PDE6A: variants seen among roughly 807,000 people sequenced by gnomAD.
The protein encoded by PDE6A is rod cGMP-specific 3',5'-cyclic phosphodiesterase subunit alpha.
Under a neutral mutation model 106.3 loss-of-function variants are expected in PDE6A, and 84 were observed. The ratio of observed to expected loss-of-function variants is 0.79; its 90% CI spans 0.66 to 0.95. PDE6A has a LOEUF of 0.95. PDE6A is among the 40% of genes least tolerant of loss of function. The pLI is 0.00. For missense variants in PDE6A, 1,052 were observed against 1,084.9 expected (o/e 0.97, Z 0.43); for synonymous variants, 394 against 386.6 (o/e 1.02, Z -0.23).
intron 5 of PDE6A, among the ~76,000 whole-genome samples, chr5:149,916,956 A>G (rs1211449126): frequency 6.6e-6 from 1 of 152,144 alleles, no homozygotes; most frequent in Non-Finnish European, 1.5e-5. Context: ...ATTCCAGGAG[A>G]AGATAAAAAC....
chr5:149,895,379 C>T, intron 12 of PDE6A, 89 bp from the exon 13 acceptor site: 2 of 876,830 alleles, frequency 2.3e-6, no homozygotes, highest in Non-Finnish European at 1.9e-6. Flanking sequence ...AAGGCATGGC[C>T]CATGGCCCTC....
intron 7 of PDE6A, among the ~76,000 whole-genome samples, chr5:149,905,355 A>C (rs762410239): frequency 1.1e-4 from 16 of 152,104 alleles, no homozygotes; most frequent in Non-Finnish European, 2.2e-4. Flanking sequence ...ATATCTTCCA[A>C]ATCTCTGCTT....
chr5:149,921,980 G>C (rs1442503435), intron 4 of PDE6A, among the ~76,000 whole-genome samples: 1 of 152,192 alleles, frequency 6.6e-6, no homozygotes, highest in African/African-American at 2.4e-5. Context: ...GGACATGAGA[G>C]GGAAAGCAGG....
Position 149,876,913 on chromosome 5 carries a change from TGATA to T in PDE6A, c.2135+6512_2135+6515del, listed in dbSNP as rs201047279. On this transcript the variant is annotated intron_variant, in intron 17 of 21. Transcript: ENST00000255266. Reference sequence around the variant, plus strand: ...ACAGATGATGATAGATGATGAGAGATGATAGATAGATAGATAGATACATAGATAG... The same window carrying T: ...ACAGATGATGATAGATGATGAGAGATGATAGATAGATAGATACATAGATAG... Among the ~76,000 whole-genome samples, 1,386 of 151,384 alleles carry T rather than the reference TGATA, an allele frequency of 9.2e-3. 10 individuals are homozygous for T. Among genetic ancestry groups the T allele is most frequent in the African/African-American group, 0.01 (425 of 41,096 alleles).
chr5:149,933,913 T>C lies in PDE6A; in HGVS notation c.717+17A>G, dbSNP rs974273397. ...AAAGGACGAGTCAAGTCCATTCCCT[T>C]GGCCCAAGCCCCTTACCTGGCCACG... On this transcript the variant is annotated intron_variant, in intron 3 of 21. Transcript: ENST00000255266. 7 of 1,595,910 alleles carry C rather than the reference T, an allele frequency of 4.4e-6. No homozygotes were observed. The highest frequency in any genetic ancestry group is 6.0e-6 in the Non-Finnish European group (7 of 1,164,364).
rs1760385061 is a variant in PDE6A at position 149,867,763 on chromosome 5, C to T, written c.2236G>A (p.Gly746Ser). The T allele has an allele frequency of 6.2e-7, 1 of 1,613,740 alleles. No homozygotes were observed. The highest frequency in any genetic ancestry group is 1.3e-5 in the African/African-American group (1 of 74,896). ...TGCAGCACCGTGCGCTCCAGGTCAC[C>T]TTGTTCCCAGAATTCAGCAGCCACC... ...LLVAAEFWEQGDLERTVLQQN... is the reference protein window; with the variant it reads ...LLVAAEFWEQSDLERTVLQQN... Residue 746 changes from glycine to serine, a missense_variant, in exon 19 of 22, where the codon GGT becomes AGT. Physicochemically the swap from Gly to Ser is moderately conservative, Grantham distance 56. Coordinates refer to ENST00000255266, the MANE Select transcript of PDE6A (RefSeq NM_000440.3).
intron 1 of PDE6A, among the ~76,000 whole-genome samples, chr5:149,940,890 G>A (rs147033828): frequency 6.6e-6 from 1 of 152,276 alleles, no homozygotes; most frequent in East Asian, 1.9e-4. Flanking sequence ...TATTAAATAA[G>A]GCAGTTGGAT....
intron 1 of PDE6A, among the ~76,000 whole-genome samples, chr5:149,937,267 A>G (rs138366972): frequency 2.0e-5 from 3 of 152,390 alleles, no homozygotes; most frequent in African/African-American, 4.8e-5. Context: ...TAGCTAAAGC[A>G]TAGAGAGGGA....
chr5:149,863,808 G>T lies in PDE6A; in HGVS notation c.2359-542C>A, dbSNP rs1304580471. Among the ~76,000 whole-genome samples the T allele has an allele frequency of 2.6e-5, 4 of 151,904 alleles. No individual in the cohort carries two copies. Among genetic ancestry groups the T allele is most frequent in the Admixed American group, 2.6e-4 (4 of 15,250 alleles). On this transcript the variant is annotated intron_variant, in intron 20 of 21. Transcript: ENST00000255266. The surrounding 1 kb of genome is among the most constrained non-coding windows in gnomAD (Gnocchi z 4.7). ...CCAGGTAATTTTTTTTATTTTTGTAGATACAGGGTCTCCCTATGTTGCCTA... is the reference window on the plus strand; with the variant it reads ...CCAGGTAATTTTTTTTATTTTTGTATATACAGGGTCTCCCTATGTTGCCTA...
intron 4 of PDE6A, among the ~76,000 whole-genome samples, chr5:149,928,231 A>ATATATATATATATATTTTTTT: frequency 5.1e-5 from 1 of 19,746 alleles, no homozygotes; most frequent in Non-Finnish European, 8.3e-5. Context: ...ATATATATAT[A>ATATATATATATATATTTTTTT]TTTTTTTTTT....
intron 17 of PDE6A, among the ~76,000 whole-genome samples, chr5:149,876,937 AGATAGATAGAT>A (rs1265598446): frequency 4.0e-5 from 6 of 150,926 alleles, no homozygotes; most frequent in African/African-American, 1.5e-4. Flanking sequence ...ATAGATACAT[AGATAGATAGAT>A]GATAGATAGA....
chr5:149,927,532 C>A (rs1753897930), intron 4 of PDE6A, among the ~76,000 whole-genome samples: 1 of 152,060 alleles, frequency 6.6e-6, no homozygotes, highest in African/African-American at 2.4e-5. Flanking sequence ...TCTACCGCAG[C>A]CTCTTGAGTA....
intron 1 of PDE6A, among the ~76,000 whole-genome samples, chr5:149,935,157 G>A (rs770674211): frequency 4.6e-5 from 7 of 152,202 alleles, no homozygotes; most frequent in Non-Finnish European, 7.4e-5. Context: ...TTTTATCTTC[G>A]CAATAAGCTA....
chr5:149,894,908 C>T (rs1007438833), intron 13 of PDE6A, among the ~76,000 whole-genome samples: 3 of 152,198 alleles, frequency 2.0e-5, no homozygotes, highest in South Asian at 4.2e-4. Context: ...GGATTACAGG[C>T]GGCCCTGTTG....
Position 149,944,529 on chromosome 5 carries a change from A to G in PDE6A, c.145T>C (p.Tyr49His). 6.2e-7 allele frequency: 1 copy of G among 1,614,062 alleles called. No homozygotes were observed. The highest frequency in any genetic ancestry group is 8.5e-7 in the Non-Finnish European group (1 of 1,180,008). Residue 49 changes from tyrosine to histidine, a missense_variant, in exon 1 of 22, where the codon TAC becomes CAC. By Grantham distance (83) the Tyr-to-His change is moderately conservative. Transcript: ENST00000255266. ...AKEAAVDFSN[Y>H]HSPSSMEESE... is the part of the protein sequence containing the mutation. ...TCCTCCATGCTGCTCGGGGAGTGGTAGTTGCTGAAGTCCACGGCAGCCTCC... is the reference window on the plus strand; with the variant it reads ...TCCTCCATGCTGCTCGGGGAGTGGTGGTTGCTGAAGTCCACGGCAGCCTCC...
At position 149,934,703 on chromosome 5, in the gene PDE6A, C is replaced by T; in HGVS notation, c.490G>A (p.Asp164Asn). The change falls in exon 2 of 22, where the codon GAC becomes AAC. Residue 164 changes from aspartate to asparagine, a missense_variant. Coordinates refer to ENST00000255266, the MANE Select transcript of PDE6A (RefSeq NM_000440.3). ...PNTEEDEHFCDFVDILTEYKT... is the reference protein window; with the variant it reads ...PNTEEDEHFCNFVDILTEYKT... The stretch of plus-strand genomic sequence containing the variant: ...TACTCTGTGAGGATGTCCACAAAGT[C>T]ACAGAAATGCTCATCCTAAAGGAAG... 2.5e-6 allele frequency: 4 copies of T among 1,613,894 alleles called. No homozygotes were observed. The East Asian group carries it at 8.9e-5, about 36-fold the overall frequency.
chr5:149,913,825 C>G (rs1753466098), intron 6 of PDE6A, among the ~76,000 whole-genome samples: 1 of 152,178 alleles, frequency 6.6e-6, no homozygotes, highest in South Asian at 2.1e-4. Flanking sequence ...GAAAGGTCTA[C>G]TGACCAAAAA....
chr5:149,866,726 T>C (rs2113504784), intron 19 of PDE6A: 1 of 165,582 alleles, frequency 6.0e-6, no homozygotes, highest in African/African-American at 2.4e-5. Flanking sequence ...GTTGTGTTTA[T>C]GATTTTGTCC....
rs141889316 is a variant in PDE6A at position 149,876,316 on chromosome 5, G to A, written c.2135+7113C>T. On this transcript the variant is annotated intron_variant, in intron 17 of 21. Coordinates refer to ENST00000255266, the MANE Select transcript of PDE6A (RefSeq NM_000440.3). The stretch of plus-strand genomic sequence containing the variant: ...TATTTCTTGTTACTAGACTGGAGTC[G>A]GATTCAGCACCTATTTTTTGCCCAT... Among the ~76,000 whole-genome samples the A allele has an allele frequency of 4.5e-3, 667 of 148,430 alleles. 5 individuals carry two copies. Among genetic ancestry groups the A allele is most frequent in the African/African-American group, 0.016 (631 of 40,324 alleles).
Sources: gnomAD v4.1 joint callset for allele counts (sites outside exome capture counted in the v4.1 genomes callset) on GRCh38, gnomAD v4.1.1 for gene constraint, Gnocchi (gnomAD v3.1) non-coding constraint, MANE v1.5 for transcripts, NCBI Gene and HGNC (gene_info 2026-07-23, HGNC 2026-07-21) for gene names.